Variants in HEMK2 observed in about 807,000 individuals in gnomAD.
HEMK2 encodes the protein HemK methyltransferase 2, ETF1 glutamine and histone H4 lysine.
the HEMK2 span, among the ~76,000 whole-genome samples, chr21:28,672,445 G>A: frequency 6.6e-5 from 10 of 152,082 alleles, no homozygotes; most frequent in Non-Finnish European, 1.3e-4. Context: ...GACTCTTGAG[G>A]TGAATCCTAG....
At chr21:28,857,831 T>G in the HEMK2 span, among the ~76,000 whole-genome samples, 1 of 152,214 alleles carries the variant, frequency 6.6e-6, no homozygotes, top group Non-Finnish European at 1.5e-5. Flanking sequence ...TGTTAAATCT[T>G]TCTACTGTTT....
the HEMK2 span, among the ~76,000 whole-genome samples, chr21:28,760,438 T>C: frequency 1.3e-5 from 2 of 152,228 alleles, no homozygotes; most frequent in African/African-American, 2.4e-5. Context: ...TAAACAGTTA[T>C]GTCTGTATTC....
the HEMK2 span, among the ~76,000 whole-genome samples, chr21:28,752,807 ATAT>A: frequency 2.0e-5 from 2 of 100,362 alleles, no homozygotes; most frequent in Non-Finnish European, 4.0e-5. Context: ...AAAATGTAAG[ATAT>A]TATTGTTGTT....
chr21:28,863,591 G>A, the HEMK2 span, among the ~76,000 whole-genome samples: 1 of 151,182 alleles, frequency 6.6e-6, no homozygotes, highest in Non-Finnish European at 1.5e-5. Flanking sequence ...CACAGACACT[G>A]GTGAAAACCT....
At chr21:28,637,951 T>C in the HEMK2 span, among the ~76,000 whole-genome samples, 1 of 152,184 alleles carries the variant, frequency 6.6e-6, no homozygotes, top group East Asian at 1.9e-4. Context: ...TGAAAATAAA[T>C]AGATGAAAAT....
At chr21:28,867,408 C>A in the HEMK2 span, among the ~76,000 whole-genome samples, 8 of 152,140 alleles carry the variant, frequency 5.3e-5, no homozygotes, top group Admixed American at 2.6e-4. Context: ...AATGTGCCAT[C>A]ACCAAGGGCA....
the HEMK2 span, among the ~76,000 whole-genome samples, chr21:28,800,076 G>A: frequency 2.6e-5 from 4 of 152,166 alleles, no homozygotes; most frequent in Admixed American, 6.5e-5. Flanking sequence ...ATGTGCAATC[G>A]TGCTTTCCAA....
the HEMK2 span, among the ~76,000 whole-genome samples, chr21:28,729,719 T>TG: frequency 6.6e-6 from 1 of 152,094 alleles, no homozygotes; most frequent in Non-Finnish European, 1.5e-5. Context: ...AAAGTTGTCC[T>TG]GGGCCGCGTG....
chr21:28,647,320 C>CT, the HEMK2 span, among the ~76,000 whole-genome samples: 2 of 65,870 alleles, frequency 3.0e-5, no homozygotes, highest in Admixed American at 3.8e-4. Flanking sequence ...CCCATCTCTA[C>CT]TAAAAAAAAA....
chr21:28,830,388 G>A, the HEMK2 span, among the ~76,000 whole-genome samples: 34 of 152,150 alleles, frequency 2.2e-4, no homozygotes, highest in East Asian at 6.2e-3. Context: ...ATGGTGAGAC[G>A]TGCTTGCTTC....
the HEMK2 span, among the ~76,000 whole-genome samples, chr21:28,771,373 G>C: frequency 6.6e-6 from 1 of 152,120 alleles, no homozygotes; most frequent in East Asian, 1.9e-4. Flanking sequence ...GAGGTTATTT[G>C]CATCACTCTC....
the HEMK2 span, among the ~76,000 whole-genome samples, chr21:28,857,839 T>C: frequency 4.6e-5 from 7 of 152,208 alleles, no homozygotes. Context: ...CTTTCTACTG[T>C]TTAACACTTA....
chr21:28,627,655 G>A, the HEMK2 span, among the ~76,000 whole-genome samples: 1 of 152,116 alleles, frequency 6.6e-6, no homozygotes. Flanking sequence ...ATACAGTGAG[G>A]CAGGAGAATA....
the HEMK2 span, among the ~76,000 whole-genome samples, chr21:28,863,467 T>C: frequency 1.1e-5 from 1 of 92,936 alleles, no homozygotes; most frequent in African/African-American, 4.3e-5. Context: ...TATATATATA[T>C]ATACTTCATT....
the HEMK2 span, among the ~76,000 whole-genome samples, chr21:28,756,868 T>C: frequency 6.6e-6 from 1 of 152,252 alleles, no homozygotes; most frequent in African/African-American, 2.4e-5. Flanking sequence ...CTGACTTAGA[T>C]AGCTTTTTCT....
chr21:28,795,108 C>T, the HEMK2 span, among the ~76,000 whole-genome samples: 4 of 152,132 alleles, frequency 2.6e-5, no homozygotes, highest in Non-Finnish European at 5.9e-5. Context: ...GATCAAAGTG[C>T]TGTCTTTGTT....
At chr21:28,623,972 T>TA in the HEMK2 span, among the ~76,000 whole-genome samples, 10 of 152,062 alleles carry the variant, frequency 6.6e-5, no homozygotes, top group African/African-American at 2.4e-4. Context: ...TCCCAGAACT[T>TA]AAAGTATTAA....
the HEMK2 span, among the ~76,000 whole-genome samples, chr21:28,827,718 T>A: frequency 6.6e-6 from 1 of 152,256 alleles, no homozygotes; most frequent in Non-Finnish European, 1.5e-5. Context: ...ACTATTAGAA[T>A]GTCTATATTG....
At chr21:28,763,170 T>C in the HEMK2 span, among the ~76,000 whole-genome samples, 51 of 152,282 alleles carry the variant, frequency 3.3e-4, no homozygotes, top group African/African-American at 1.2e-3. Context: ...TCATGGGACA[T>C]TGGGTAAGTC....
Sources: allele counts gnomAD v4.1 joint callset (sites outside exome capture counted in the v4.1 genomes callset), GRCh38; gene constraint gnomAD v4.1.1; transcripts MANE v1.5; gene names NCBI Gene and HGNC (gene_info 2026-07-23, HGNC 2026-07-21).